RPA3: variants seen among roughly 807,000 people sequenced by gnomAD.
RPA3 encodes the protein replication protein A 14 kDa subunit.
In RPA3, 24 loss-of-function variants were observed where a neutral mutation model predicts 13.7. The ratio of observed to expected loss-of-function variants is 1.75; its 90% CI spans 1.27 to 2.46. The LOEUF is 2.46. Among genes scored for constraint, RPA3 ranks in the 30% most tolerant of loss-of-function variants. The pLI is 0.00. For missense variants in RPA3, 183 were observed against 151.0 expected (o/e 1.21, Z -1.11); for synonymous variants, 59 against 51.2 (o/e 1.15, Z -0.65).
chr7:7,660,340 C>T (rs1234439608), intron 4 of RPA3, among the ~76,000 whole-genome samples: 3 of 152,064 alleles, frequency 2.0e-5, no homozygotes, highest in Admixed American at 6.6e-5. Context: ...TTGATCCTGC[C>T]ATTATTATGC....
chr7:7,693,386 T>C (rs1283114147), intron 2 of RPA3, among the ~76,000 whole-genome samples: 4 of 152,032 alleles, frequency 2.6e-5, no homozygotes, highest in Non-Finnish European at 5.9e-5. Context: ...GAAAATCTCA[T>C]CTGAAACTTT....
intron 2 of RPA3, among the ~76,000 whole-genome samples, chr7:7,700,452 G>A (rs113678214): frequency 0.019 from 2,847 of 152,246 alleles, 87 homozygotes; most frequent in African/African-American, 0.065. Context: ...CAGGCTGGGT[G>A]CAGTGGCTCA....
At chr7:7,716,346 C>T (rs1004899868) in intron 1 of RPA3, among the ~76,000 whole-genome samples, 5 of 152,174 alleles carry the variant, frequency 3.3e-5, no homozygotes, top group Non-Finnish European at 5.9e-5. Context: ...GAAATTTAGG[C>T]AGTTAGTGAG....
chr7:7,660,403 T>G (rs979543725), intron 4 of RPA3, among the ~76,000 whole-genome samples: 1 of 152,230 alleles, frequency 6.6e-6, no homozygotes, highest in African/African-American at 2.4e-5. Context: ...GTGTTGATGG[T>G]CTTTACAATT....
chr7:7,669,181 A>G (rs1054508802), intron 4 of RPA3, among the ~76,000 whole-genome samples: 5 of 151,946 alleles, frequency 3.3e-5, no homozygotes, highest in African/African-American at 1.2e-4. Flanking sequence ...GTTTAGTACT[A>G]TTGTTGGTTT....
chr7:7,637,643 A>C, intron 7 of RPA3, among the ~76,000 whole-genome samples: 1 of 151,152 alleles, frequency 6.6e-6, no homozygotes, highest in Admixed American at 6.6e-5. Flanking sequence ...GTAATACAAA[A>C]TGTATGTTAA....
intron 2 of RPA3, among the ~76,000 whole-genome samples, chr7:7,703,258 T>A (rs1180011813): frequency 6.6e-6 from 1 of 152,224 alleles, no homozygotes; most frequent in African/African-American, 2.4e-5. Context: ...GAGGCTTCTA[T>A]AATAAAAATA....
chr7:7,649,697 C>CT (rs1785180563), intron 4 of RPA3, among the ~76,000 whole-genome samples: 1 of 151,204 alleles, frequency 6.6e-6, no homozygotes. Context: ...TGGGGGGGCC[C>CT]ACCCTACAAA....
At chr7:7,703,650 T>C (rs1780523055) in intron 2 of RPA3, among the ~76,000 whole-genome samples, 1 of 152,212 alleles carries the variant, frequency 6.6e-6, no homozygotes, top group Non-Finnish European at 1.5e-5. Context: ...CCTTCTTCTC[T>C]GGCCAATAGG....
At chr7:7,680,976 C>T in intron 4 of RPA3, among the ~76,000 whole-genome samples, 1 of 151,974 alleles carries the variant, frequency 6.6e-6, no homozygotes, top group African/African-American at 2.4e-5. Context: ...AGCATATATC[C>T]ACATAACTTT....
intron 2 of RPA3, among the ~76,000 whole-genome samples, chr7:7,705,483 T>C (rs1780575344): frequency 6.6e-6 from 1 of 152,224 alleles, no homozygotes; most frequent in South Asian, 2.1e-4. Flanking sequence ...GCACCCAGTG[T>C]TTATATTCAG....
At chr7:7,703,942 C>T (rs1780529709) in intron 2 of RPA3, among the ~76,000 whole-genome samples, 1 of 149,090 alleles carries the variant, frequency 6.7e-6, no homozygotes, top group Non-Finnish European at 1.5e-5. Context: ...TGTCTCTTAA[C>T]AAAGGAAAGA....
At position 7,637,889 on chromosome 7, in the gene RPA3, C is replaced by T; in HGVS notation, c.258G>A (p.Gln86=). Residue 86 remains glutamine (Q), a synonymous_variant, in exon 7 of 8, where the codon CAG becomes CAA. Transcript: ENST00000223129. ...CAAAAGGATGGCTATCTTCTTTAAA[C>T]TGGACATAAGATGTACACAAGATGG... ...KATILCTSYV[Q]FKEDSHPFDL... is the part of the protein sequence containing the mutation. 4.3e-6 allele frequency: 7 copies of T among 1,612,722 alleles called. No individual in the cohort carries two copies. Among genetic ancestry groups the T allele is most frequent in the Non-Finnish European group, 5.9e-6 (7 of 1,179,184 alleles).
intron 4 of RPA3, among the ~76,000 whole-genome samples, chr7:7,663,438 C>T (rs572525196): frequency 6.6e-6 from 1 of 152,254 alleles, no homozygotes; most frequent in African/African-American, 2.4e-5. Context: ...TGCTTATCCT[C>T]TCAGGCATCT....
chr7:7,641,101 G>A lies in RPA3; in HGVS notation c.-683C>T, dbSNP rs1431400946. 3.3e-5 allele frequency: 5 copies of A among 152,492 alleles called. No individual in the cohort carries two copies. Among genetic ancestry groups the A allele is most frequent in the Admixed American group, 2.0e-4 (3 of 15,288 alleles). 9.4% of individuals were successfully genotyped at this position (152,492 alleles called of 1,614,324 possible). A position where few individuals can be genotyped will look rare whatever the true frequency, so the allele number is the denominator to read the frequency against. Reference sequence around the variant, plus strand: ...TCAGTGATCTTGATCACTTTCTTCAGGCTTTTGCCACTTGTTGGCTGAGGG... The same window carrying A: ...TCAGTGATCTTGATCACTTTCTTCAAGCTTTTGCCACTTGTTGGCTGAGGG... On this transcript the variant is annotated 5_prime_UTR_variant, in exon 5 of 8. Coordinates refer to ENST00000223129, the MANE Select transcript of RPA3 (RefSeq NM_002947.5).
At chr7:7,641,319 A>G (rs1784968297) in intron 4 of RPA3, 144 bp from the exon 5 acceptor site, 1 of 152,332 alleles carries the variant, frequency 6.6e-6, no homozygotes, top group Non-Finnish European at 1.5e-5. Flanking sequence ...GTAACGGGGA[A>G]GAACCACTGG....
intron 4 of RPA3, among the ~76,000 whole-genome samples, chr7:7,675,865 C>T (rs1779726260): frequency 6.6e-6 from 1 of 152,198 alleles, no homozygotes; most frequent in Non-Finnish European, 1.5e-5. Context: ...TTGGCTGAGG[C>T]CTCGTTGCCC....
chr7:7,649,552 T>G (rs1785175722), intron 4 of RPA3, among the ~76,000 whole-genome samples: 1 of 152,254 alleles, frequency 6.6e-6, no homozygotes, highest in South Asian at 2.1e-4. Context: ...AGTTTTTTGC[T>G]TCCTATGTGT....
At chr7:7,661,879 C>G (rs1386583795) in intron 4 of RPA3, among the ~76,000 whole-genome samples, 1 of 152,152 alleles carries the variant, frequency 6.6e-6, no homozygotes, top group Non-Finnish European at 1.5e-5. Flanking sequence ...CAGGCAGGGA[C>G]GTTTAATTCT....
Sources: allele counts gnomAD v4.1 joint callset (sites outside exome capture counted in the v4.1 genomes callset), GRCh38; gene constraint gnomAD v4.1.1; transcripts MANE v1.5; gene names NCBI Gene and HGNC (gene_info 2026-07-23, HGNC 2026-07-21).